CELF2: variants seen among roughly 807,000 people sequenced by gnomAD.
The protein encoded by CELF2 is CUGBP Elav-like family member 2.
A neutral mutation model predicts 62.6 loss-of-function variants in CELF2; 8 were observed. The ratio of observed to expected loss-of-function variants is 0.13; its 90% CI spans 0.07 to 0.23. CELF2 has a LOEUF of 0.23. CELF2 is among the 10% of genes least tolerant of loss of function. CELF2 has a pLI of 1.00. For synonymous variants in CELF2, 258 were observed against 250.0 expected (o/e 1.03, Z -0.30); for missense variants, 333 against 671.0 (o/e 0.50, Z 5.56).
intron 1 of CELF2, among the ~76,000 whole-genome samples, chr10:11,024,616 A>T (rs1237839011): frequency 1.3e-5 from 2 of 149,454 alleles, no homozygotes; most frequent in East Asian, 3.9e-4. Flanking sequence ...TCTAAGAATA[A>T]TAATAGTAAT....
intron 2 of CELF2, among the ~76,000 whole-genome samples, chr10:10,939,944 G>A (rs1020217348): frequency 3.9e-5 from 6 of 152,032 alleles, no homozygotes; most frequent in Non-Finnish European, 8.8e-5. Flanking sequence ...ACAGAGCGAG[G>A]CTCCATCTCA....
At chr10:10,877,953 C>T (rs1035575214) in intron 1 of CELF2, among the ~76,000 whole-genome samples, 3 of 152,078 alleles carry the variant, frequency 2.0e-5, no homozygotes, top group African/African-American at 7.2e-5. Context: ...GCAGCCTAAC[C>T]CAGAAACCAA....
Position 10,972,231 on chromosome 10 carries a change from A to G in CELF2, c.89+52232A>G, listed in dbSNP as rs913377020. Among the ~76,000 whole-genome samples the G allele has an allele frequency of 2.0e-5, 3 of 152,218 alleles. No individual in the cohort carries two copies. Among genetic ancestry groups the G allele is most frequent in the Non-Finnish European group, 4.4e-5 (3 of 68,038 alleles). On this transcript the variant is annotated intron_variant, in intron 2 of 13. Coordinates refer to the CELF2 transcript ENST00000636488. The surrounding 1 kb of genome is among the most constrained non-coding windows in gnomAD (Gnocchi z 4.4). ...TCCCAAAGCATGCACCAAAGAACAC[A>G]ACTTTTGAAGGATATGAATAGGTTT...
chr10:10,642,008 C>T, the CELF2 span, among the ~76,000 whole-genome samples: 1 of 152,048 alleles, frequency 6.6e-6, no homozygotes, highest in African/African-American at 2.4e-5. Context: ...GTTTCTATTC[C>T]TTATTCTGAG....
At chr10:10,882,606 C>G (rs1407223545) in intron 1 of CELF2, among the ~76,000 whole-genome samples, 1 of 152,116 alleles carries the variant, frequency 6.6e-6, no homozygotes, top group African/African-American at 2.4e-5. Flanking sequence ...TTTTATTGCT[C>G]TAAAAAGCAA....
chr10:10,595,159 C>T, the CELF2 span, among the ~76,000 whole-genome samples: 1 of 152,140 alleles, frequency 6.6e-6, no homozygotes, highest in Non-Finnish European at 1.5e-5. Context: ...TACCACAGAC[C>T]ATCTTGCCAT....
chr10:10,976,453 C>T (rs1233354754), intron 2 of CELF2, among the ~76,000 whole-genome samples: 1 of 152,056 alleles, frequency 6.6e-6, no homozygotes, highest in Non-Finnish European at 1.5e-5. Context: ...TAGTATGTCT[C>T]ATTTCACGTC....
chr10:10,631,253 C>T, the CELF2 span, among the ~76,000 whole-genome samples: 1 of 152,116 alleles, frequency 6.6e-6, no homozygotes, highest in South Asian at 2.1e-4. Flanking sequence ...TGAGTCTGAA[C>T]AAACTAAACC....
chr10:10,982,146 G>T (rs2136415723), intron 2 of CELF2, among the ~76,000 whole-genome samples: 1 of 151,896 alleles, frequency 6.6e-6, no homozygotes, highest in Middle Eastern at 3.4e-3. Flanking sequence ...AGTAGAGACA[G>T]GTTTCACCAT....
the CELF2 span, among the ~76,000 whole-genome samples, chr10:10,717,640 G>A: frequency 3.3e-5 from 5 of 152,134 alleles, no homozygotes; most frequent in Admixed American, 6.5e-5. Context: ...TGGCCTATAG[G>A]AAGTAAAATG....
intron 1 of CELF2, among the ~76,000 whole-genome samples, chr10:11,062,743 A>G (rs1250936475): frequency 2.0e-5 from 3 of 152,368 alleles, no homozygotes; most frequent in South Asian, 2.1e-4. Flanking sequence ...CAAAGGATTC[A>G]TAATATTCCA....
the CELF2 span, among the ~76,000 whole-genome samples, chr10:10,590,919 G>T: frequency 6.6e-6 from 1 of 152,216 alleles, no homozygotes; most frequent in South Asian, 2.1e-4. Flanking sequence ...GTGTTAAGTT[G>T]CTATGGTAGA....
chr10:10,545,234 A>G, the CELF2 span, among the ~76,000 whole-genome samples: 1 of 152,218 alleles, frequency 6.6e-6, no homozygotes, highest in African/African-American at 2.4e-5. Flanking sequence ...AAAGCAAGAC[A>G]TGCTCTATGG....
intron 2 of CELF2, among the ~76,000 whole-genome samples, chr10:10,980,879 C>T (rs960857530): frequency 4.6e-5 from 7 of 152,176 alleles, no homozygotes; most frequent in African/African-American, 1.7e-4. Flanking sequence ...CCTTGGCCTC[C>T]CATTGTACTG....
upstream of CELF2, among the ~76,000 whole-genome samples, chr10:11,001,012 G>A (rs2054466670): frequency 6.6e-6 from 1 of 152,212 alleles, no homozygotes; most frequent in African/African-American, 2.4e-5. Flanking sequence ...TGTCTTCAGT[G>A]TGACATCAGC....
In CELF2 at chr10:10,936,824, G is replaced by A. The variant is rs2135336211; in HGVS notation, c.89+16825G>A. 6.6e-6 allele frequency: 1 copy of A among 152,370 alleles called. No homozygotes were observed. Among genetic ancestry groups the A allele is most frequent in the Admixed American group, 6.5e-5 (1 of 15,316 alleles). 9.4% of individuals were successfully genotyped at this position (152,370 alleles called of 1,614,324 possible). A position where few individuals can be genotyped will look rare whatever the true frequency, so the allele number is the denominator to read the frequency against. On this transcript the variant is annotated intron_variant, in intron 2 of 13. Transcript: ENST00000636488. The surrounding 1 kb of genome is among the most constrained non-coding windows in gnomAD (Gnocchi z 4.0). Reference sequence around the variant, plus strand: ...TGGCTATGGAAGTGACCGGAGGATTGTGTTTAAATGCATGTTCTGATTCAG... The same window carrying A: ...TGGCTATGGAAGTGACCGGAGGATTATGTTTAAATGCATGTTCTGATTCAG...
Position 10,934,829 on chromosome 10 carries a change from C to T in CELF2, c.89+14830C>T, listed in dbSNP as rs1026187972. ...GTTCGGTTGAAGTCATTTGGCACAC[C>T]CAAATGGGTTTTGCAGTTGTCTTAT... On this transcript the variant is annotated intron_variant, in intron 2 of 13. Transcript: ENST00000636488. This position sits in a 1 kb window ranked among gnomAD's most constrained non-coding sequence, Gnocchi z 4.4. 3.9e-5 allele frequency: 6 copies of T among 152,054 alleles called. No homozygotes were observed. Among genetic ancestry groups the T allele is most frequent in the African/African-American group, 1.4e-4 (6 of 41,390 alleles). The allele number at this position is 152,054 out of a possible 1,614,324, so 9.4% of individuals were successfully genotyped here. A position where few individuals can be genotyped will look rare whatever the true frequency, so the allele number is the denominator to read the frequency against.
chr10:11,056,911 C>A (rs942123789), intron 1 of CELF2, among the ~76,000 whole-genome samples: 6 of 152,138 alleles, frequency 3.9e-5, no homozygotes, highest in Admixed American at 2.6e-4. Flanking sequence ...GGGCAAGGCC[C>A]ACAGGAGGAA....
intron 1 of CELF2, among the ~76,000 whole-genome samples, chr10:10,807,950 T>G (rs765945163): frequency 2.3e-4 from 35 of 152,294 alleles, no homozygotes; most frequent in Non-Finnish European, 4.0e-4. Context: ...TCACAGACAG[T>G]TATTTCCATA....
Sources: gnomAD v4.1 joint callset for allele counts (sites outside exome capture counted in the v4.1 genomes callset) on GRCh38, gnomAD v4.1.1 for gene constraint, Gnocchi (gnomAD v3.1) non-coding constraint, MANE v1.5 for transcripts, NCBI Gene and HGNC (gene_info 2026-07-23, HGNC 2026-07-21) for gene names.